Variants in MIPOL1 observed in about 807,000 individuals in gnomAD.
MIPOL1 encodes the protein mirror-image polydactyly 1, also known as mirror-image polydactyly gene 1 protein.
A neutral mutation model predicts 60.9 loss-of-function variants in MIPOL1; 57 were observed. The ratio of observed to expected loss-of-function variants is 0.94; its 90% confidence interval spans 0.76 to 1.17. MIPOL1 has a LOEUF of 1.17. Ranked by LOEUF, MIPOL1 falls within the 50% of genes most tolerant of loss-of-function variation. MIPOL1 has a pLI of 0.00. For synonymous variants in MIPOL1, 179 were observed against 168.8 expected, an observed-to-expected ratio of 1.06 and a Z score of -0.47; for missense variants, 551 against 511.6, an observed-to-expected ratio of 1.08 and a Z score of -0.74.
At chr14:37,505,490 C>A (rs577823720) in intron 12 of MIPOL1, 1 of 152,270 alleles carries the variant, frequency 6.6e-6, no homozygotes, top group East Asian at 1.9e-4. Flanking sequence ...ATAAAAAGAA[C>A]CAATGACAAA....
intron 10 of MIPOL1, among the ~76,000 whole-genome samples, chr14:37,392,618 A>G (rs2093276013): frequency 6.6e-6 from 1 of 152,198 alleles, no homozygotes; most frequent in Non-Finnish European, 1.5e-5. Context: ...GAGGAAAAGT[A>G]TTCAGGATTT....
At chr14:37,491,047 G>T (rs906853097) in intron 11 of MIPOL1, among the ~76,000 whole-genome samples, 28 of 152,160 alleles carry the variant, frequency 1.8e-4, no homozygotes, top group African/African-American at 6.0e-4. Flanking sequence ...TGTGTTATAT[G>T]ACAAAATTCA....
At chr14:37,405,990 T>G (rs1437341531) in intron 10 of MIPOL1, among the ~76,000 whole-genome samples, 1 of 151,968 alleles carries the variant, frequency 6.6e-6, no homozygotes, top group African/African-American at 2.4e-5. Context: ...CTAAAAAACT[T>G]TTTGATGAAT....
intron 7 of MIPOL1, among the ~76,000 whole-genome samples, chr14:37,307,567 A>G (rs1182402466): frequency 6.6e-6 from 1 of 152,070 alleles, no homozygotes; most frequent in African/African-American, 2.4e-5. Flanking sequence ...TCATAATAAC[A>G]AATAGGTAAC....
chr14:37,401,887 A>G (rs904784930), intron 10 of MIPOL1: 2 of 152,156 alleles, frequency 1.3e-5, no homozygotes, highest in African/African-American at 4.8e-5. Flanking sequence ...AGAAATAAAA[A>G]ATATGGCATG....
intron 3 of MIPOL1, among the ~76,000 whole-genome samples, chr14:37,254,547 C>G (rs1974611979): frequency 6.6e-6 from 1 of 151,688 alleles, no homozygotes; most frequent in South Asian, 2.1e-4. Flanking sequence ...CATCCCTACC[C>G]CCACAAACAC....
At chr14:37,353,505 G>A (rs1488060778) in intron 9 of MIPOL1, among the ~76,000 whole-genome samples, 1 of 152,082 alleles carries the variant, frequency 6.6e-6, no homozygotes, top group Non-Finnish European at 1.5e-5. Flanking sequence ...TTGTACCTCT[G>A]GTAGAATTCG....
intron 9 of MIPOL1, among the ~76,000 whole-genome samples, chr14:37,353,742 C>T (rs547241999): frequency 6.6e-6 from 1 of 152,112 alleles, no homozygotes; most frequent in African/African-American, 2.4e-5. Context: ...TCTGTGGGAT[C>T]AGTGGTGATA....
intron 3 of MIPOL1, among the ~76,000 whole-genome samples, chr14:37,253,762 A>G (rs1974474683): frequency 6.6e-6 from 1 of 151,750 alleles, no homozygotes; most frequent in African/African-American, 2.4e-5. Context: ...TCAAAATGGT[A>G]TGCTTATAGT....
At chr14:37,509,845 CTATG>C (rs1326713621) in intron 12 of MIPOL1, among the ~76,000 whole-genome samples, 1 of 151,284 alleles carries the variant, frequency 6.6e-6, no homozygotes, top group Non-Finnish European at 1.5e-5. Context: ...CATATGTAAA[CTATG>C]TATATGTACA....
At chr14:37,433,939 G>A (rs1425346574) in intron 11 of MIPOL1, among the ~76,000 whole-genome samples, 2 of 152,150 alleles carry the variant, frequency 1.3e-5, no homozygotes, top group South Asian at 2.1e-4. Flanking sequence ...TCATTGATGG[G>A]CATTTGGGTT....
At chr14:37,388,486 G>GTTTTTTTTTTTT (rs77450180) in intron 10 of MIPOL1, among the ~76,000 whole-genome samples, 3 of 124,580 alleles carry the variant, frequency 2.4e-5, no homozygotes, top group Non-Finnish European at 3.5e-5. Flanking sequence ...TTTTTTTTGT[G>GTTTTTTTTTTTT]TTTTTTTTTT....
At chr14:37,286,885 A>G (rs1284651447) in intron 7 of MIPOL1, among the ~76,000 whole-genome samples, 1 of 152,184 alleles carries the variant, frequency 6.6e-6, no homozygotes, top group African/African-American at 2.4e-5. Flanking sequence ...ATACCTAAAC[A>G]TCATTACCTA....
intron 11 of MIPOL1, among the ~76,000 whole-genome samples, chr14:37,487,121 A>C (rs1009787895): frequency 6.6e-6 from 1 of 152,080 alleles, no homozygotes; most frequent in African/African-American, 2.4e-5. Flanking sequence ...GGTTCTGTTT[A>C]TATGATGGAT....
chr14:37,380,700 T>C (rs558792190), intron 10 of MIPOL1, among the ~76,000 whole-genome samples: 3 of 152,322 alleles, frequency 2.0e-5, no homozygotes, highest in South Asian at 2.1e-4. Context: ...ATTGGGAGTT[T>C]CATAGTCAGT....
chr14:37,373,448 T>C (rs901752698), intron 10 of MIPOL1, among the ~76,000 whole-genome samples: 1 of 151,978 alleles, frequency 6.6e-6, no homozygotes, highest in Non-Finnish European at 1.5e-5. Flanking sequence ...GTGCAGAACA[T>C]GAGGGTTTGT....
chr14:37,435,706 A>G (rs959723071), intron 11 of MIPOL1, among the ~76,000 whole-genome samples: 4 of 152,180 alleles, frequency 2.6e-5, no homozygotes, highest in Non-Finnish European at 4.4e-5. Context: ...TCTTATATCC[A>G]TGGTGAGTGA....
intron 9 of MIPOL1, among the ~76,000 whole-genome samples, chr14:37,360,659 T>C (rs534246450): frequency 6.6e-6 from 1 of 151,038 alleles, no homozygotes; most frequent in South Asian, 2.1e-4. Flanking sequence ...GGATCGGTGG[T>C]GATATCCCCT....
chr14:37,478,613 C>CA (rs770883970), intron 11 of MIPOL1, among the ~76,000 whole-genome samples: 7 of 151,554 alleles, frequency 4.6e-5, no homozygotes, highest in Non-Finnish European at 5.9e-5. Context: ...TTAAAGAGGA[C>CA]ATAGAGTGGC....
Sources: gnomAD v4.1 joint callset for allele counts (sites outside exome capture counted in the v4.1 genomes callset) on GRCh38, gnomAD v4.1.1 for gene constraint, MANE v1.5 for transcripts, NCBI Gene and HGNC (gene_info 2026-07-23, HGNC 2026-07-21) for gene names.